CWC22: variants seen among roughly 807,000 people sequenced by gnomAD.
CWC22 encodes the protein CWC22 spliceosome associated protein.
Under a neutral mutation model 117.2 loss-of-function variants are expected in CWC22, and 53 were observed. The ratio of observed to expected loss-of-function variants is 0.45; its 90% CI spans 0.36 to 0.57. The LOEUF (loss-of-function observed/expected upper bound fraction) is 0.57, where lower values mean the gene tolerates loss of function less well. CWC22 is among the 20% of genes least tolerant of loss of function. The pLI is 0.00. For missense variants in CWC22, 980 were observed against 1,068.8 expected (o/e 0.92, Z 1.16); for synonymous variants, 360 against 355.6 (o/e 1.01, Z -0.14).
intron 19 of CWC22, among the ~76,000 whole-genome samples, chr2:179,949,886 T>TA (rs1686402104): frequency 6.6e-6 from 1 of 151,964 alleles, no homozygotes; most frequent in South Asian, 2.1e-4. Context: ...AACATAATGG[T>TA]AAAAAAATAA....
At chr2:179,978,109 C>A in intron 6 of CWC22, 81 bp downstream of exon 6, 1 of 1,283,170 alleles carries the variant, frequency 7.8e-7, no homozygotes, top group Non-Finnish European at 1.0e-6. Context: ...CACAATAAAT[C>A]AATGATTATT....
intron 3 of CWC22, among the ~76,000 whole-genome samples, chr2:179,987,372 G>A (rs1687444410): frequency 1.3e-5 from 2 of 152,096 alleles, no homozygotes; most frequent in African/African-American, 4.8e-5. Flanking sequence ...AGAACCTTAA[G>A]AGAAGTTAAA....
At chr2:179,999,235 G>A (rs912476216) in intron 1 of CWC22, among the ~76,000 whole-genome samples, 2 of 152,012 alleles carry the variant, frequency 1.3e-5, no homozygotes, top group South Asian at 2.1e-4. Context: ...TACACTAATC[G>A]GAAATTCCTG....
intron 2 of CWC22, among the ~76,000 whole-genome samples, chr2:179,992,786 T>TAGA (rs1192854798): frequency 2.6e-5 from 4 of 152,190 alleles, no homozygotes; most frequent in Non-Finnish European, 5.9e-5. Context: ...CAACCATCAC[T>TAGA]AGAACTCAAT....
chr2:179,947,423 C>T (rs942647511), intron 19 of CWC22, among the ~76,000 whole-genome samples: 5 of 152,150 alleles, frequency 3.3e-5, no homozygotes, highest in African/African-American at 1.2e-4. Context: ...ATCTCTTCTC[C>T]GTTTGCTATG....
intron 1 of CWC22, among the ~76,000 whole-genome samples, chr2:180,005,092 G>T (rs944567059): frequency 6.6e-6 from 1 of 151,824 alleles, no homozygotes; most frequent in Non-Finnish European, 1.5e-5. Context: ...AACAGAACTG[G>T]GTGAAGCCCA....
chr2:179,970,301 T>C (rs983766637), intron 11 of CWC22, among the ~76,000 whole-genome samples, 200 bp downstream of exon 11: 9 of 151,848 alleles, frequency 5.9e-5, no homozygotes, highest in African/African-American at 2.2e-4. Flanking sequence ...AACAATGGGG[T>C]AAGTAATTCA....
intron 3 of CWC22, 28 bp downstream of exon 3, chr2:179,988,549 T>G (rs749028453): frequency 5.1e-6 from 6 of 1,171,646 alleles, no homozygotes; most frequent in Non-Finnish European, 6.1e-6. Context: ...AAATTTACAT[T>G]GCATTCAGAG....
intron 1 of CWC22, among the ~76,000 whole-genome samples, chr2:179,996,099 T>A (rs1050338461): frequency 6.6e-6 from 1 of 152,192 alleles, no homozygotes; most frequent in African/African-American, 2.4e-5. Flanking sequence ...CCAAGTTAAC[T>A]GCCTAAAAAG....
intron 6 of CWC22, among the ~76,000 whole-genome samples, chr2:179,974,432 G>A (rs1277178542): frequency 1.3e-5 from 2 of 152,186 alleles, no homozygotes; most frequent in Non-Finnish European, 2.9e-5. Context: ...TGCATTTGAT[G>A]AGGAAGGGGA....
rs577829201 is a variant in CWC22 at position 179,972,251 on chromosome 2, C to T, written c.804+942G>A. On this transcript the variant is annotated intron_variant, in intron 8 of 19. Coordinates refer to ENST00000410053, the MANE Select transcript of CWC22 (RefSeq NM_020943.3). ...TGACTTTAAAATTCTTCCTGTTATA[C>T]ATGATATTAAATTGGAAATGATAAT... Among the ~76,000 whole-genome samples the T allele has an allele frequency of 3.9e-5, 6 of 152,254 alleles. No homozygotes were observed. In the South Asian group the frequency reaches 1.2e-3, roughly 32 times the overall value.
intron 1 of CWC22, among the ~76,000 whole-genome samples, chr2:180,005,052 G>A (rs1189751918): frequency 6.6e-6 from 1 of 151,408 alleles, no homozygotes; most frequent in Non-Finnish European, 1.5e-5. Flanking sequence ...CAGACAGACT[G>A]TTGGGCCTCC....
intron 16 of CWC22, among the ~76,000 whole-genome samples, chr2:179,953,825 C>T (rs1021197892): frequency 1.3e-5 from 2 of 152,032 alleles, no homozygotes; most frequent in Non-Finnish European, 2.9e-5. Flanking sequence ...GAGTTATTCC[C>T]TCAGGAATCA....
At chr2:179,982,607 A>G (rs1334095867) in intron 4 of CWC22, among the ~76,000 whole-genome samples, 2 of 152,222 alleles carry the variant, frequency 1.3e-5, no homozygotes, top group East Asian at 3.8e-4. Flanking sequence ...GATAGAACTA[A>G]TATTTTCATT....
rs1003921919 is a variant in CWC22, at chr2:179,944,910, C to T, written c.*219G>A. 2 of 385,586 alleles carry T rather than the reference C, an allele frequency of 5.2e-6. No individual in the cohort carries two copies. Among genetic ancestry groups the T allele is most frequent in the African/African-American group, 2.1e-5 (1 of 48,056 alleles). 23.9% of individuals were successfully genotyped at this position (385,586 alleles called of 1,614,324 possible). ...GATCATTTTATTCACAAAATATAAG[C>T]GAGACTTACATCCCTTTCTGGTGAA... On this transcript the variant is annotated 3_prime_UTR_variant, in exon 20 of 20. Coordinates refer to ENST00000410053, the MANE Select transcript of CWC22 (RefSeq NM_020943.3).
chr2:179,969,700 C>A (rs965506278), intron 11 of CWC22, among the ~76,000 whole-genome samples: 3 of 152,044 alleles, frequency 2.0e-5, no homozygotes, highest in Non-Finnish European at 2.9e-5. Flanking sequence ...GGGTTTAATA[C>A]AAAGGTAAAT....
At chr2:179,968,351 T>G (rs988721042) in intron 11 of CWC22, among the ~76,000 whole-genome samples, 7 of 152,110 alleles carry the variant, frequency 4.6e-5, no homozygotes, top group African/African-American at 1.7e-4. Flanking sequence ...TATTGCTCCC[T>G]TTTTCTAACT....
intron 1 of CWC22, among the ~76,000 whole-genome samples, chr2:180,006,530 G>A (rs1427014085): frequency 6.6e-6 from 1 of 152,000 alleles, no homozygotes; most frequent in African/African-American, 2.4e-5. Flanking sequence ...GTATTTACAG[G>A]GCAAATAAAT....
chr2:179,993,537 T>C, intron 1 of CWC22, 83 bp from the exon 2 acceptor site: 2 of 520,758 alleles, frequency 3.8e-6, no homozygotes, highest in South Asian at 6.0e-5. Context: ...CAATGGACAT[T>C]TGACCGCTTT....
Sources: allele counts gnomAD v4.1 joint callset (sites outside exome capture counted in the v4.1 genomes callset), GRCh38; gene constraint gnomAD v4.1.1; transcripts MANE v1.5; gene names NCBI Gene and HGNC (gene_info 2026-07-23, HGNC 2026-07-21).